ESCO2: variants seen among roughly 807,000 people sequenced by gnomAD.
The protein encoded by ESCO2 is N-acetyltransferase ESCO2.
In ESCO2, 51 loss-of-function variants were observed where a neutral mutation model predicts 61.7. That is an observed-to-expected ratio of 0.83 (90% CI 0.66 to 1.04). The LOEUF (loss-of-function observed/expected upper bound fraction) is 1.04. Among genes scored for constraint, ESCO2 ranks in the 50% least tolerant of loss-of-function variants. The pLI, the probability that ESCO2 is intolerant of heterozygous loss-of-function variation, is 0.00. For missense variants in ESCO2, 692 were observed against 686.2 expected (o/e 1.01, Z -0.09); for synonymous variants, 230 against 238.2 (o/e 0.97, Z 0.32).
At chr8:27,773,526 A>T (rs1227799048), upstream of ESCO2, 6 of 138,478 alleles carry the variant, frequency 4.3e-5, no homozygotes, top group Non-Finnish European at 9.3e-5. Flanking sequence ...TAACTCAAGC[A>T]AACTCTACAT....
upstream of ESCO2, chr8:27,772,584 C>T (rs1045271214): frequency 1.9e-6 from 3 of 1,541,308 alleles, no homozygotes; most frequent in Admixed American, 2.0e-5. Flanking sequence ...AGCAGCAGCG[C>T]TCAACTCACG....
intron 10 of ESCO2, among the ~76,000 whole-genome samples, chr8:27,802,630 A>AAT (rs1222665973): frequency 0.014 from 624 of 45,786 alleles, 11 homozygotes; most frequent in East Asian, 0.052. Flanking sequence ...AAAAAAAAAA[A>AAT]ATATATATAT....
chr8:27,818,432 C>T, the ESCO2 span, among the ~76,000 whole-genome samples: 1 of 152,204 alleles, frequency 6.6e-6, no homozygotes, highest in African/African-American at 2.4e-5. Context: ...CTTCTTAGAG[C>T]TTACAAGCCT....
At chr8:27,779,103 CG>C (rs1206135919) in intron 3 of ESCO2, 7 of 152,326 alleles carry the variant, frequency 4.6e-5, no homozygotes, top group African/African-American at 1.7e-4. Flanking sequence ...TTAGTAGGAA[CG>C]GGGTTTCACC....
chr8:27,784,891 T>C (rs1805004111), intron 5 of ESCO2, among the ~76,000 whole-genome samples: 1 of 152,202 alleles, frequency 6.6e-6, no homozygotes, highest in Non-Finnish European at 1.5e-5. Flanking sequence ...GTGATTAGGA[T>C]GGGTGCACAG....
At chr8:27,809,523 T>G (rs952978657), downstream of ESCO2, 1 of 152,142 alleles carries the variant, frequency 6.6e-6, no homozygotes. Flanking sequence ...CTTTATAGAT[T>G]AGCAAAATAA....
intron 6 of ESCO2, among the ~76,000 whole-genome samples, chr8:27,788,346 T>C (rs1805095074): frequency 6.6e-6 from 1 of 152,226 alleles, no homozygotes; most frequent in Non-Finnish European, 1.5e-5. Context: ...TTTAAGGGTT[T>C]CATTAAAAAG....
At chr8:27,772,959 TG>T (rs1057107661), upstream of ESCO2, among the ~76,000 whole-genome samples, 4 of 152,166 alleles carry the variant, frequency 2.6e-5, no homozygotes, top group African/African-American at 9.7e-5. Context: ...ATATGCCTCT[TG>T]GGGATTGGAC....
Position 27,776,770 on chromosome 8 carries a change from C to A in ESCO2, c.462C>A (p.His154Gln). The A allele has an allele frequency of 6.2e-7, 1 of 1,613,982 alleles. No individual in the cohort carries two copies. Among genetic ancestry groups the A allele is most frequent in the Non-Finnish European group, 8.5e-7 (1 of 1,180,024 alleles). ...CTAAGTATCAACCAAAGTATAGACA[C>A]ATCAAGCCTGTATCAAGGAATTCTA... ...LTAKYQPKYR[H>Q]IKPVSRNSRN... Residue 154 changes from histidine (H) to glutamine (Q), a missense_variant, in exon 3 of 11, where the codon CAC (histidine) becomes CAA (glutamine). Physicochemically the swap from His to Gln is conservative, Grantham distance 24 (BLOSUM62 0). Transcript: ENST00000305188.
rs1805532788 is a variant in ESCO2 at position 27,805,085 on chromosome 8, A to G, written c.*1647A>G. ...ATCATGAGGTCAGGAGATCGAGACC[A>G]TCCTGGCTAACAAGGTGAAACCCCG... On this transcript the variant is annotated 3_prime_UTR_variant, in exon 11 of 11. Coordinates refer to ENST00000305188, the MANE Select transcript of ESCO2 (RefSeq NM_001017420.3). 1 of 143,550 alleles carries G rather than the reference A, an allele frequency of 7.0e-6. No homozygotes were observed. The highest frequency in any genetic ancestry group is 6.9e-5 in the Admixed American group (1 of 14,506). The allele number at this position is 143,550 out of a possible 1,614,324, so 8.9% of individuals were successfully genotyped here.
chr8:27,813,564 CACTG>C (rs140179614), downstream of ESCO2, among the ~76,000 whole-genome samples: 459 of 152,008 alleles, frequency 3.0e-3, 8 homozygotes, highest in African/African-American at 0.01. Context: ...TATATGTAAA[CACTG>C]ACCTCATAGC....
downstream of ESCO2, chr8:27,811,272 C>T: frequency 1.4e-6 from 1 of 699,230 alleles, no homozygotes; most frequent in Middle Eastern, 2.6e-4. Context: ...AAAATACACT[C>T]AACCTCAATA....
intron 7 of ESCO2, 47 bp downstream of exon 7, chr8:27,789,025 A>G (rs1585401051): frequency 1.9e-6 from 3 of 1,612,612 alleles, no homozygotes. Context: ...GTAAAACTAA[A>G]AGAGACATTT....
downstream of ESCO2, among the ~76,000 whole-genome samples, chr8:27,808,986 G>A (rs767837079): frequency 3.9e-5 from 6 of 152,110 alleles, no homozygotes; most frequent in Admixed American, 6.6e-5. Context: ...CTCAACTGTA[G>A]GAAGTGGAAA....
At chr8:27,812,641 AC>A (rs1183877372), downstream of ESCO2, 86 of 134,172 alleles carry the variant, frequency 6.4e-4, 1 homozygote, top group African/African-American at 1.8e-3. Flanking sequence ...AAAAAAAAAA[AC>A]ATCAAAAAGT....
intron 9 of ESCO2, among the ~76,000 whole-genome samples, chr8:27,793,479 G>GTTTTTTTTTTTT (rs67670087): frequency 1.3e-4 from 16 of 125,508 alleles, no homozygotes; most frequent in Non-Finnish European, 1.8e-4. Context: ...CTTTTTCTTT[G>GTTTTTTTTTTTT]TTTTTTTTTT....
intron 4 of ESCO2, among the ~76,000 whole-genome samples, chr8:27,781,004 C>T (rs1382150613): frequency 6.6e-6 from 1 of 151,988 alleles, no homozygotes; most frequent in Admixed American, 6.5e-5. Flanking sequence ...AACAAAAAGG[C>T]ATCTACTTAA....
intron 8 of ESCO2, 85 bp downstream of exon 8, chr8:27,792,137 C>A: frequency 8.0e-7 from 1 of 1,254,712 alleles, no homozygotes; most frequent in Non-Finnish European, 1.2e-6. Context: ...CCTTTGCTGA[C>A]AGATAATTCA....
intron 7 of ESCO2, among the ~76,000 whole-genome samples, chr8:27,789,964 C>A (rs1805139048): frequency 6.6e-6 from 1 of 152,128 alleles, no homozygotes; most frequent in Non-Finnish European, 1.5e-5. Flanking sequence ...TAAATTCTTG[C>A]CCTCTCTGAT....
Sources: allele counts gnomAD v4.1 joint callset (sites outside exome capture counted in the v4.1 genomes callset), GRCh38; gene constraint gnomAD v4.1.1; transcripts MANE v1.5; gene names NCBI Gene and HGNC (gene_info 2026-07-23, HGNC 2026-07-21).